PTPRM: variants seen among roughly 807,000 people sequenced by gnomAD.
PTPRM encodes protein tyrosine phosphatase receptor type M, also known as receptor-type tyrosine-protein phosphatase mu.
In PTPRM, 47 loss-of-function variants were observed where a neutral mutation model predicts 186.7. That is an observed-to-expected ratio of 0.25 (90% CI 0.20 to 0.32). PTPRM has a LOEUF of 0.32. PTPRM is among the 10% of genes least tolerant of loss of function. PTPRM has a pLI of 1.00. For synonymous variants in PTPRM, 668 were observed against 674.9 expected, an observed-to-expected ratio of 0.99 and a Z score of 0.16; for missense variants, 1,494 against 1,865.0, an observed-to-expected ratio of 0.80 and a Z score of 3.66.
chr18:7,702,804 T>C (rs557746977), intron 1 of PTPRM, among the ~76,000 whole-genome samples: 1 of 152,366 alleles, frequency 6.6e-6, no homozygotes, highest in East Asian at 1.9e-4. Context: ...CTAGGTTTGC[T>C]TCTAGGGTTT....
intron 2 of PTPRM, among the ~76,000 whole-genome samples, chr18:7,850,850 A>G (rs2046825479): frequency 6.6e-6 from 1 of 152,204 alleles, no homozygotes; most frequent in Admixed American, 6.5e-5. Context: ...GTACCCCAAA[A>G]CATAGCACTT....
intron 4 of PTPRM, among the ~76,000 whole-genome samples, chr18:7,922,225 G>A (rs1401053820): frequency 6.6e-6 from 1 of 152,182 alleles, no homozygotes; most frequent in East Asian, 1.9e-4. Flanking sequence ...CTAAGGGTTT[G>A]TGCAGAAAGG....
intron 1 of PTPRM, among the ~76,000 whole-genome samples, chr18:7,704,890 T>G (rs2040043979): frequency 6.6e-6 from 1 of 152,130 alleles, no homozygotes; most frequent in Non-Finnish European, 1.5e-5. Flanking sequence ...CACACTTAGC[T>G]GGGAGATTTA....
chr18:8,011,642 C>T (rs1211109177), intron 7 of PTPRM, among the ~76,000 whole-genome samples: 1 of 152,204 alleles, frequency 6.6e-6, no homozygotes, highest in Admixed American at 6.5e-5. Flanking sequence ...TCCAGCCTAG[C>T]TTTCCAATGC....
chr18:7,686,446 A>T (rs1428013060), intron 1 of PTPRM, among the ~76,000 whole-genome samples: 2 of 152,180 alleles, frequency 1.3e-5, no homozygotes, highest in Non-Finnish European at 2.9e-5. Flanking sequence ...TAGAAACCCC[A>T]AAGCACTCCT....
At chr18:8,207,181 A>T (rs1343689920) in intron 14 of PTPRM, among the ~76,000 whole-genome samples, 1 of 152,176 alleles carries the variant, frequency 6.6e-6, no homozygotes, top group Non-Finnish European at 1.5e-5. Flanking sequence ...TCATGGGTGG[A>T]TATGAAACTG....
intron 1 of PTPRM, among the ~76,000 whole-genome samples, chr18:7,739,094 TG>T (rs1404318285): frequency 3.3e-5 from 5 of 152,124 alleles, no homozygotes; most frequent in Admixed American, 2.6e-4. Flanking sequence ...GATCGAGAAG[TG>T]GTTCGTTGTT....
chr18:7,761,388 C>G (rs2041764037), intron 1 of PTPRM, among the ~76,000 whole-genome samples: 1 of 152,128 alleles, frequency 6.6e-6, no homozygotes, highest in South Asian at 2.1e-4. Flanking sequence ...ATGTTTGAAA[C>G]AAAAGCGGCA....
chr18:7,865,810 T>G lies in PTPRM; in HGVS notation c.197-22296T>G, dbSNP rs2047660183. Among the ~76,000 whole-genome samples the G allele has an allele frequency of 2.0e-5, 3 of 152,180 alleles. No homozygotes were observed. In the South Asian group the frequency reaches 6.2e-4, roughly 32 times the overall value. On this transcript the variant is annotated intron_variant, in intron 2 of 32. Transcript: ENST00000580170. Reference sequence around the variant, plus strand: ...AGAATTCGGCTGTGAATCCGTCTGGTCCTGGAGTTTTTTTTGGTTGGTAGG... The same window carrying G: ...AGAATTCGGCTGTGAATCCGTCTGGGCCTGGAGTTTTTTTTGGTTGGTAGG...
At chr18:8,322,851 A>G (rs761137951) in intron 22 of PTPRM, among the ~76,000 whole-genome samples, 5 of 151,940 alleles carry the variant, frequency 3.3e-5, no homozygotes, top group Non-Finnish European at 7.4e-5. Context: ...ACATGATTTC[A>G]CTCTGTCACC....
intron 1 of PTPRM, among the ~76,000 whole-genome samples, chr18:7,720,471 C>T (rs1480339906): frequency 1.3e-5 from 2 of 152,138 alleles, no homozygotes; most frequent in African/African-American, 2.4e-5. Context: ...AATTAATAGA[C>T]TATGTTTGAT....
intron 5 of PTPRM, among the ~76,000 whole-genome samples, chr18:7,939,636 A>G (rs1291653640): frequency 6.6e-6 from 1 of 152,150 alleles, no homozygotes; most frequent in Non-Finnish European, 1.5e-5. Flanking sequence ...CATTATGGTT[A>G]TTTCACTAAG....
intron 3 of PTPRM, among the ~76,000 whole-genome samples, chr18:7,896,204 A>T (rs546769564): frequency 6.6e-6 from 1 of 152,086 alleles, no homozygotes; most frequent in Non-Finnish European, 1.5e-5. Context: ...TGATTTAGAC[A>T]TTGATTTTTT....
At chr18:7,843,834 T>G (rs1378106863) in intron 2 of PTPRM, among the ~76,000 whole-genome samples, 4 of 152,190 alleles carry the variant, frequency 2.6e-5, no homozygotes, top group African/African-American at 9.7e-5. Context: ...TGTGTGGGGC[T>G]TCAGCTAGAG....
At chr18:7,602,831 T>C (rs536798491) in intron 1 of PTPRM, among the ~76,000 whole-genome samples, 7 of 149,064 alleles carry the variant, frequency 4.7e-5, no homozygotes, top group East Asian at 1.9e-4. Context: ...ATATATATAT[T>C]TCAATACTTG....
intron 14 of PTPRM, among the ~76,000 whole-genome samples, chr18:8,204,548 A>G (rs894082804): frequency 6.6e-6 from 1 of 152,090 alleles, no homozygotes; most frequent in Admixed American, 6.5e-5. Context: ...TGGGGGAGAA[A>G]CTGATTCCAC....
intron 32 of PTPRM, among the ~76,000 whole-genome samples, chr18:8,398,239 C>T (rs1479994314): frequency 6.6e-6 from 1 of 152,144 alleles, no homozygotes; most frequent in East Asian, 1.9e-4. Flanking sequence ...CTGCCTCAGC[C>T]TCTCAAAATG....
intron 2 of PTPRM, among the ~76,000 whole-genome samples, chr18:7,868,861 C>T (rs1419290351): frequency 6.6e-6 from 1 of 152,218 alleles, no homozygotes; most frequent in Non-Finnish European, 1.5e-5. Context: ...AAGCCCCTGC[C>T]TGGGACCGCT....
At chr18:8,196,206 G>A (rs1329517001) in intron 14 of PTPRM, among the ~76,000 whole-genome samples, 1 of 152,202 alleles carries the variant, frequency 6.6e-6, no homozygotes, top group Non-Finnish European at 1.5e-5. Flanking sequence ...AAGAACTCGG[G>A]GAGTGGGGCC....
Sources: allele counts gnomAD v4.1 joint callset (sites outside exome capture counted in the v4.1 genomes callset), GRCh38; gene constraint gnomAD v4.1.1; transcripts MANE v1.5; gene names NCBI Gene and HGNC (gene_info 2026-07-23, HGNC 2026-07-21).